CSMD1: variants seen among roughly 807,000 people sequenced by gnomAD.
CSMD1 encodes the protein CUB and Sushi multiple domains 1, also known as CUB and sushi domain-containing protein 1.
CSMD1 carries 213 observed loss-of-function variants against 417.5 expected under a neutral mutation model. That is an observed-to-expected ratio of 0.51 (90% CI 0.46 to 0.57). The LOEUF is 0.57. CSMD1 is among the 20% of genes least tolerant of loss of function. CSMD1 has a pLI of 0.00. For missense variants in CSMD1, 6,923 were observed against 4,529.7 expected (o/e 1.53, Z -15.17); for synonymous variants, 2,862 against 1,736.8 (o/e 1.65, Z -16.11).
intron 10 of CSMD1, among the ~76,000 whole-genome samples, chr8:3,513,251 T>G (rs897632086): frequency 1.3e-5 from 2 of 152,134 alleles, no homozygotes; most frequent in Admixed American, 1.3e-4. Flanking sequence ...TTTCCCCTAT[T>G]TGGAAATTAT....
intron 3 of CSMD1, among the ~76,000 whole-genome samples, chr8:4,176,265 T>G (rs576502656): frequency 7.9e-5 from 12 of 152,226 alleles, no homozygotes; most frequent in Admixed American, 2.6e-4. Flanking sequence ...TAGATTAGAC[T>G]GCAAAAAATG....
At chr8:3,240,704 C>T (rs1274325830) in intron 26 of CSMD1, among the ~76,000 whole-genome samples, 4 of 152,116 alleles carry the variant, frequency 2.6e-5, no homozygotes, top group South Asian at 2.1e-4. Flanking sequence ...GGTTTGAGAT[C>T]TAGAACAGAA....
chr8:3,189,268 G>A (rs1563126321), intron 34 of CSMD1, among the ~76,000 whole-genome samples: 1 of 152,212 alleles, frequency 6.6e-6, no homozygotes, highest in Non-Finnish European at 1.5e-5. Flanking sequence ...AAGAAGGGAT[G>A]ATGTCCAATG....
At chr8:4,763,029 C>T (rs538171802) in intron 1 of CSMD1, among the ~76,000 whole-genome samples, 17 of 152,280 alleles carry the variant, frequency 1.1e-4, no homozygotes, top group Admixed American at 2.6e-4. Context: ...GTTTACCCTG[C>T]ACCCCTAGCA....
At chr8:3,893,228 A>G (rs1339429318) in intron 5 of CSMD1, among the ~76,000 whole-genome samples, 2 of 150,838 alleles carry the variant, frequency 1.3e-5, no homozygotes, top group African/African-American at 4.9e-5. Context: ...CTCTTAAAAC[A>G]CATTTTTTCT....
At chr8:3,157,583 C>G (rs1050692555) in intron 39 of CSMD1, among the ~76,000 whole-genome samples, 1 of 152,222 alleles carries the variant, frequency 6.6e-6, no homozygotes, top group African/African-American at 2.4e-5. Context: ...CAGCTGCATT[C>G]CTTCTTTGCC....
chr8:3,837,177 T>C (rs1441829713), intron 5 of CSMD1, among the ~76,000 whole-genome samples: 1 of 152,080 alleles, frequency 6.6e-6, no homozygotes, highest in Non-Finnish European at 1.5e-5. Flanking sequence ...TTCACATCAG[T>C]TTCACAGTCT....
chr8:4,949,306 T>TA (rs148615294), intron 1 of CSMD1, among the ~76,000 whole-genome samples: 121 of 151,914 alleles, frequency 8.0e-4, no homozygotes, highest in African/African-American at 2.7e-3. Context: ...GCTGTTTTGT[T>TA]AAAAAAAAGT....
chr8:4,631,144 C>T (rs886407795), intron 2 of CSMD1, among the ~76,000 whole-genome samples: 7 of 152,000 alleles, frequency 4.6e-5, no homozygotes, highest in African/African-American at 1.2e-4. Context: ...GGGTGGATCA[C>T]GAGGTCAGGA....
chr8:4,037,478 T>C (rs1797680459), intron 3 of CSMD1, among the ~76,000 whole-genome samples: 1 of 152,224 alleles, frequency 6.6e-6, no homozygotes, highest in South Asian at 2.1e-4. Context: ...TTGTCTTCTC[T>C]ACAGATTTTT....
intron 4 of CSMD1, among the ~76,000 whole-genome samples, chr8:4,023,523 G>A (rs1323926370): frequency 6.6e-6 from 1 of 152,030 alleles, no homozygotes; most frequent in East Asian, 1.9e-4. Flanking sequence ...GCATACGCTT[G>A]GCTCTGTGCT....
chr8:3,791,903 G>A (rs1392181167), intron 5 of CSMD1, among the ~76,000 whole-genome samples: 1 of 152,042 alleles, frequency 6.6e-6, no homozygotes, highest in Non-Finnish European at 1.5e-5. Context: ...TTTTGGCATT[G>A]AAAGTAATGG....
At chr8:3,749,902 A>G (rs1344532970) in intron 6 of CSMD1, among the ~76,000 whole-genome samples, 1 of 151,968 alleles carries the variant, frequency 6.6e-6, no homozygotes, top group Non-Finnish European at 1.5e-5. Flanking sequence ...CTCTGTACCT[A>G]TTGTGTGTAG....
chr8:3,535,371 G>C (rs1334895032), intron 10 of CSMD1, among the ~76,000 whole-genome samples: 1 of 152,164 alleles, frequency 6.6e-6, no homozygotes, highest in Non-Finnish European at 1.5e-5. Flanking sequence ...CCAGAGGACA[G>C]AAATGGAAAT....
intron 3 of CSMD1, among the ~76,000 whole-genome samples, chr8:4,325,500 G>A (rs1405046489): frequency 6.6e-6 from 1 of 152,142 alleles, no homozygotes; most frequent in Non-Finnish European, 1.5e-5. Context: ...AAGTTTGTCT[G>A]CTCATTTTTG....
At chr8:3,111,044 A>C (rs1359086270) in intron 42 of CSMD1, among the ~76,000 whole-genome samples, 1 of 152,214 alleles carries the variant, frequency 6.6e-6, no homozygotes, top group Non-Finnish European at 1.5e-5. Flanking sequence ...TAATTTAAAT[A>C]TTCATATAGT....
At chr8:3,343,872 C>G (rs77775923) in intron 22 of CSMD1, among the ~76,000 whole-genome samples, 1 of 151,892 alleles carries the variant, frequency 6.6e-6, no homozygotes. Flanking sequence ...AAGAACATAC[C>G]CTTCCTTTCT....
At chr8:4,901,460 A>C (rs1408714942) in intron 1 of CSMD1, among the ~76,000 whole-genome samples, 1 of 152,198 alleles carries the variant, frequency 6.6e-6, no homozygotes, top group East Asian at 1.9e-4. Context: ...ATAGTTGAGA[A>C]TTATTTCAAA....
chr8:3,537,014 C>T (rs1386792207), intron 10 of CSMD1, among the ~76,000 whole-genome samples: 3 of 151,940 alleles, frequency 2.0e-5, no homozygotes, highest in East Asian at 1.9e-4. Flanking sequence ...TCTTTCTTTT[C>T]TTTTTTTTGA....
Sources: gnomAD v4.1 joint callset for allele counts (sites outside exome capture counted in the v4.1 genomes callset) on GRCh38, gnomAD v4.1.1 for gene constraint, MANE v1.5 for transcripts, NCBI Gene and HGNC (gene_info 2026-07-23, HGNC 2026-07-21) for gene names.